Variants in CDKN2B-AS1 observed in about 807,000 individuals in gnomAD.
CDKN2B-AS1 encodes CDKN2B and CDKN2A antisense cis and trans regulatory RNA 1.
intron 3 of CDKN2B-AS1, among the ~76,000 whole-genome samples, chr9:22,055,005 G>A (rs1197950074): frequency 6.6e-6 from 1 of 152,064 alleles, no homozygotes; most frequent in East Asian, 1.9e-4. Context: ...GCCTGCCTTG[G>A]CCTCCCAAAG....
intron 4 of CDKN2B-AS1, among the ~76,000 whole-genome samples, chr9:22,064,519 T>C (rs1008150704): frequency 2.0e-5 from 3 of 152,192 alleles, no homozygotes; most frequent in Non-Finnish European, 4.4e-5. Context: ...GCAAATTGAC[T>C]TTCTTTCAGC....
intron 4 of CDKN2B-AS1, among the ~76,000 whole-genome samples, chr9:22,115,201 C>G (rs1825916733): frequency 6.6e-6 from 1 of 152,166 alleles, no homozygotes. Context: ...TCCTTGGTGG[C>G]TTAAAGTTAG....
chr9:22,040,630 T>C (rs1160133121), intron 1 of CDKN2B-AS1, among the ~76,000 whole-genome samples: 1 of 151,980 alleles, frequency 6.6e-6, no homozygotes, highest in Non-Finnish European at 1.5e-5. Flanking sequence ...TCCTTGATAT[T>C]CCTGAGTTAG....
chr9:22,041,999 C>G (rs17694493), intron 1 of CDKN2B-AS1, among the ~76,000 whole-genome samples: 18,207 of 151,964 alleles, frequency 0.12, 1,122 homozygotes, highest in Non-Finnish European at 0.14. Flanking sequence ...TCACACTGTT[C>G]TGGGAATATG....
At chr9:22,109,542 C>A (rs1412186276) in intron 4 of CDKN2B-AS1, among the ~76,000 whole-genome samples, 1 of 152,042 alleles carries the variant, frequency 6.6e-6, no homozygotes, top group African/African-American at 2.4e-5. Flanking sequence ...TGGTGACTGG[C>A]TAGGGAGAAA....
At chr9:22,011,075 A>G (rs888592761) in intron 1 of CDKN2B-AS1, among the ~76,000 whole-genome samples, 1 of 152,088 alleles carries the variant, frequency 6.6e-6, no homozygotes, top group African/African-American at 2.4e-5. Context: ...GGTAGGGAAA[A>G]CGTTGCCGGG....
At chr9:22,046,071 T>C (rs1226550567) in intron 1 of CDKN2B-AS1, among the ~76,000 whole-genome samples, 1 of 152,088 alleles carries the variant, frequency 6.6e-6, no homozygotes, top group African/African-American at 2.4e-5. Flanking sequence ...ACCCTTCAGC[T>C]TCTTTTCCTC....
intron 4 of CDKN2B-AS1, among the ~76,000 whole-genome samples, chr9:22,070,345 T>C (rs1262217218): frequency 6.6e-6 from 1 of 152,112 alleles, no homozygotes; most frequent in African/African-American, 2.4e-5. Flanking sequence ...AATATATAAT[T>C]GTATTATAAA....
At position 22,006,044 on chromosome 9, in the gene CDKN2B-AS1, G is replaced by A. The variant is rs62637622; in HGVS notation, n.29+10883G>A. The A allele has an allele frequency of 9.0e-4, 1,445 of 1,604,918 alleles. 10 individuals carry two copies. The African/African-American group carries it at 0.017, about 19-fold the overall frequency. On this transcript the variant is annotated intron_variant and non_coding_transcript_variant, in intron 1 of 4. Transcript: ENST00000650946. This position sits in a 1 kb window ranked among gnomAD's most constrained non-coding sequence, Gnocchi z 6.4. Reference sequence around the variant, plus strand: ...CAACGTCGCGGTGGCCCCGCTCCTCGGCCAAGTCCACGGGCAGACGACCCC... The same window carrying A: ...CAACGTCGCGGTGGCCCCGCTCCTCAGCCAAGTCCACGGGCAGACGACCCC...
Position 22,062,635 on chromosome 9 carries a change from G to A in CDKN2B-AS1, n.438+6248G>A, listed in dbSNP as rs140856871. On this transcript the variant is annotated intron_variant and non_coding_transcript_variant, in intron 4 of 4. Transcript: ENST00000650946. Reference sequence around the variant, plus strand: ...AGTCTCTGTGTTTCTTGGAGATATCGTTGGCTCTAAAATTTCCCCTAAGTG... The same window carrying A: ...AGTCTCTGTGTTTCTTGGAGATATCATTGGCTCTAAAATTTCCCCTAAGTG... Among the ~76,000 whole-genome samples, 64 of 152,168 alleles carry A rather than the reference G, an allele frequency of 4.2e-4. No homozygotes were observed. The East Asian group carries it at 4.5e-3, about 11-fold the overall frequency.
At chr9:22,110,275 G>A (rs1587544120) in intron 4 of CDKN2B-AS1, among the ~76,000 whole-genome samples, 1 of 152,094 alleles carries the variant, frequency 6.6e-6, no homozygotes, top group African/African-American at 2.4e-5. Context: ...CATCCACTGG[G>A]TGCCTGTTAT....
intron 4 of CDKN2B-AS1, among the ~76,000 whole-genome samples, chr9:22,121,529 T>C (rs1826103675): frequency 6.6e-6 from 1 of 152,032 alleles, no homozygotes; most frequent in African/African-American, 2.4e-5. Flanking sequence ...TTGTATCCTT[T>C]AACAATTCTC....
intron 1 of CDKN2B-AS1, among the ~76,000 whole-genome samples, chr9:22,035,175 A>G (rs1822638250): frequency 6.6e-6 from 1 of 152,082 alleles, no homozygotes; most frequent in Non-Finnish European, 1.5e-5. Context: ...TTGTTGTCTA[A>G]CTAAGGTATT....
At chr9:22,059,869 G>A (rs538714736) in intron 4 of CDKN2B-AS1, among the ~76,000 whole-genome samples, 2 of 152,338 alleles carry the variant, frequency 1.3e-5, no homozygotes, top group South Asian at 2.1e-4. Context: ...GCCAAGGCTT[G>A]GGGCTTCCAC....
At chr9:22,055,544 G>C (rs1016967591) in intron 3 of CDKN2B-AS1, among the ~76,000 whole-genome samples, 1 of 152,132 alleles carries the variant, frequency 6.6e-6, no homozygotes, top group African/African-American at 2.4e-5. Flanking sequence ...TCTGTAGGTA[G>C]GTTGGTTGTT....
intron 3 of CDKN2B-AS1, chr9:22,056,239 T>TATTTA (rs1563951354): frequency 9.8e-5 from 14 of 143,562 alleles, no homozygotes; most frequent in African/African-American, 3.3e-4. Flanking sequence ...TATATATTTT[T>TATTTA]TTTTTTTTCC....
intron 4 of CDKN2B-AS1, among the ~76,000 whole-genome samples, chr9:22,099,227 G>A (rs1026460802): frequency 5.9e-5 from 9 of 152,124 alleles, no homozygotes; most frequent in Non-Finnish European, 1.0e-4. Context: ...CCAATAGCTG[G>A]GCACGTCTAG....
chr9:22,091,438 A>G lies in CDKN2B-AS1; in HGVS notation n.438+35051A>G, dbSNP rs373253650. 3.9e-5 allele frequency among the ~76,000 whole-genome samples: 6 copies of G among 152,256 alleles called. No homozygotes were observed. The East Asian group carries it at 7.7e-4, about 20-fold the overall frequency. On this transcript the variant is annotated intron_variant and non_coding_transcript_variant, in intron 4 of 4. Transcript: ENST00000650946. ...TGGGCAGTATGGCCATTTTCATGTT[A>G]TTGATTCTTCCTACCCATGAGCATG...
intron 4 of CDKN2B-AS1, among the ~76,000 whole-genome samples, chr9:22,082,688 T>C (rs1472700072): frequency 1.3e-5 from 2 of 152,248 alleles, no homozygotes; most frequent in Non-Finnish European, 1.5e-5. Flanking sequence ...GTATATTTTA[T>C]ACCTGTAGTA....
Sources: gnomAD v4.1 joint callset for allele counts (sites outside exome capture counted in the v4.1 genomes callset) on GRCh38, gnomAD v4.1.1 for gene constraint, Gnocchi (gnomAD v3.1) non-coding constraint, MANE v1.5 for transcripts, NCBI Gene and HGNC (gene_info 2026-07-23, HGNC 2026-07-21) for gene names.